SF3A2: variants seen among roughly 807,000 people sequenced by gnomAD.
SF3A2 encodes the protein splicing factor 3a subunit 2.
SF3A2 carries 5 observed loss-of-function variants against 31.1 expected under a neutral mutation model. The observed-to-expected ratio is 0.16, with a 90% CI of 0.08 to 0.34. The LOEUF (loss-of-function observed/expected upper bound fraction) is 0.34, where lower values mean the gene tolerates loss of function less well. SF3A2 is among the 10% of genes least tolerant of loss of function. SF3A2 has a pLI of 1.00. For missense variants in SF3A2, 577 were observed against 643.9 expected, an observed-to-expected ratio of 0.90 and a Z score of 1.13; for synonymous variants, 365 against 263.7, an observed-to-expected ratio of 1.38 and a Z score of -3.72.
In SF3A2 at chr19:2,239,187, A is replaced by T. The variant is rs571059041; in HGVS notation, c.-38+2286A>T. Among the ~76,000 whole-genome samples the T allele has an allele frequency of 2.0e-4, 31 of 152,278 alleles. No individual in the cohort carries two copies. In the South Asian group the frequency reaches 6.4e-3, roughly 32 times the overall value. On this transcript the variant is annotated intron_variant, in intron 1 of 8. Transcript: ENST00000221494. ...TGAGACCAGCCTCGCCAACCTGGCG[A>T]AATCCCATCTCCACTAAAAATATAA...
intron 1 of SF3A2, among the ~76,000 whole-genome samples, chr19:2,239,509 A>G (rs2024870745): frequency 6.6e-6 from 1 of 152,146 alleles, no homozygotes; most frequent in African/African-American, 2.4e-5. Context: ...GAAGCTTAAC[A>G]TCTTCCTTGG....
chr19:2,241,933 C>CCCTCAGCATGCCCCTGCA (rs1461256770), intron 1 of SF3A2, among the ~76,000 whole-genome samples: 1 of 152,154 alleles, frequency 6.6e-6, no homozygotes, highest in Non-Finnish European at 1.5e-5. Context: ...GCTGGGAGGT[C>CCCTCAGCATGCCCCTGCA]CACCTCACCA....
At position 2,247,708 on chromosome 19, in the gene SF3A2, C is replaced by T. The variant is rs779429244; in HGVS notation, c.615+46C>T. 50 of 1,610,888 alleles carry T rather than the reference C, an allele frequency of 3.1e-5. No individual in the cohort carries two copies. In the African/African-American group the frequency reaches 4.4e-4, roughly 14 times the overall value. On this transcript the variant is annotated intron_variant, in intron 8 of 8. Transcript: ENST00000221494. Reference sequence around the variant, plus strand: ...CTGGCTCCTTCCCACCCAGCCCTGGCGGCCCTAGCCCTGCCCTAGCCCCAC... The same window carrying T: ...CTGGCTCCTTCCCACCCAGCCCTGGTGGCCCTAGCCCTGCCCTAGCCCCAC...
rs994352376 is a variant in SF3A2 at position 2,245,387 on chromosome 19, C to T, written c.246-59C>T. The T allele has an allele frequency of 2.3e-6, 3 of 1,312,656 alleles. No homozygotes were observed. The highest frequency in any genetic ancestry group is 5.1e-5 in the East Asian group (2 of 39,564). 81.3% of individuals were successfully genotyped at this position (1,312,656 alleles called of 1,614,324 possible). A position where few individuals can be genotyped will look rare whatever the true frequency, so the allele number is the denominator to read the frequency against. ...GTCAGGGGGCTCCTGGCACCTGGGCCCATGGCTTTGGTGCCTGTGTGTGGA... is the reference window on the plus strand; with the variant it reads ...GTCAGGGGGCTCCTGGCACCTGGGCTCATGGCTTTGGTGCCTGTGTGTGGA... On this transcript the variant is annotated intron_variant, in intron 4 of 8. Coordinates refer to ENST00000221494, the MANE Select transcript of SF3A2 (RefSeq NM_007165.5). The surrounding 1 kb of genome is among the most constrained non-coding windows in gnomAD (Gnocchi z 4.2).
chr19:2,248,374 A>G lies in SF3A2; in HGVS notation c.1223A>G (p.His408Arg). 1 of 1,347,006 alleles carries G rather than the reference A, an allele frequency of 7.4e-7. No individual in the cohort carries two copies. 83.4% of individuals were successfully genotyped at this position (1,347,006 alleles called of 1,614,324 possible). ...PGMHPQAPGVHPQPPGVHPSA... is the reference protein window; with the variant it reads ...PGMHPQAPGVRPQPPGVHPSA... ...ATGCACCCTCAGGCCCCGGGGGTCC[A>G]CCCCCAACCTCCCGGGGTCCATCCG... The change falls in exon 9 of 9, where the codon CAC becomes CGC. Residue 408 changes from histidine (H) to arginine (R), a missense_variant. This residue lies in a region of SF3A2 where 462 missense variants were observed against 339.1 expected (regional missense o/e 1.36). Transcript: ENST00000221494.
intron 1 of SF3A2, among the ~76,000 whole-genome samples, chr19:2,238,069 G>C (rs1599649839): frequency 6.6e-6 from 1 of 152,116 alleles, no homozygotes; most frequent in South Asian, 2.1e-4. Context: ...ACCCAGGCTG[G>C]AGTGAGTGCA....
intron 1 of SF3A2, among the ~76,000 whole-genome samples, chr19:2,238,728 C>A (rs1173006697): frequency 6.6e-6 from 1 of 152,242 alleles, no homozygotes; most frequent in Non-Finnish European, 1.5e-5. Context: ...ACCTCTCACA[C>A]ACCTATCAGT....
In SF3A2 at chr19:2,247,972, C is replaced by A. The variant is rs779680327; in HGVS notation, c.821C>A (p.Pro274His). 3.7e-6 allele frequency: 4 copies of A among 1,088,158 alleles called. No individual in the cohort carries two copies. In the South Asian group the frequency reaches 5.2e-5, roughly 14 times the overall value. The allele number at this position is 1,088,158 out of a possible 1,614,324, so 67.4% of individuals were successfully genotyped here. ...CCCACAGGGCCTGCGCCCTCAGGGC[C>A]CCCGGGACCACCCCAGCTACCCCCG... is the stretch of plus-strand genomic sequence containing the variant. The part of the protein sequence containing the change: ...MPPTGPAPSG[P>H]PGPPQLPPPA... The change falls in exon 9 of 9, where the codon CCC becomes CAC. Residue 274 changes from proline (P) to histidine (H), a missense_variant. Pro to His is a moderately conservative substitution (Grantham distance 77, BLOSUM62 -2). This residue lies in a region of SF3A2 where 462 missense variants were observed against 339.1 expected (regional missense o/e 1.36). Transcript: ENST00000221494.
chr19:2,240,180 C>A (rs2024876339), intron 1 of SF3A2, among the ~76,000 whole-genome samples: 3 of 152,162 alleles, frequency 2.0e-5, no homozygotes, highest in Admixed American at 1.3e-4. Context: ...CTCCTGGCCT[C>A]CCCCGGGGTG....
Position 2,248,271 on chromosome 19 carries a change from C to A in SF3A2, c.1120C>A (p.Pro374Thr), listed in dbSNP as rs1292082989. 7.1e-7 allele frequency: 1 copy of A among 1,414,842 alleles called. No homozygotes were observed. Among genetic ancestry groups the A allele is most frequent in the Non-Finnish European group, 9.2e-7 (1 of 1,085,754 alleles). The allele number at this position is 1,414,842 out of a possible 1,614,324, so 87.6% of individuals were successfully genotyped here. Residue 374 changes from proline to threonine, a missense_variant, in exon 9 of 9, where the codon CCC (proline) becomes ACC (threonine). Around this residue, in one of 6 missense-constraint regions of SF3A2, gnomAD observed 462 missense variants for 339.1 expected, o/e 1.36. Transcript: ENST00000221494. ...VHPPPSAGVH[P>T]QAPGVHPAAP... is the part of the protein sequence containing the mutation. The stretch of plus-strand genomic sequence containing the variant: ...TCCTCCCCCATCAGCGGGGGTTCAC[C>A]CCCAGGCCCCGGGGGTGCACCCAGC...
chr19:2,240,872 C>G (rs2024882953), intron 1 of SF3A2, among the ~76,000 whole-genome samples: 1 of 152,260 alleles, frequency 6.6e-6, no homozygotes, highest in Non-Finnish European at 1.5e-5. Context: ...AGAAGCTGTG[C>G]TGCCTCTTCC....
chr19:2,247,556 CAG>C (rs2024950218), intron 7 of SF3A2, 36 bp from the exon 8 acceptor site: 1 of 1,608,250 alleles, frequency 6.2e-7, no homozygotes, highest in African/African-American at 1.3e-5. Flanking sequence ...CCTGAGGTCA[CAG>C]GGACCAGGAG....
At chr19:2,237,038 C>T (rs1169137706) in intron 1 of SF3A2, 137 bp downstream of exon 1, 1 of 151,984 alleles carries the variant, frequency 6.6e-6, no homozygotes, top group East Asian at 1.9e-4. Context: ...CCTCCCTCCT[C>T]CCGTGAGCGT....
In SF3A2 at chr19:2,246,525, C is replaced by T. The variant is rs532645562; in HGVS notation, c.356-228C>T. Among the ~76,000 whole-genome samples the T allele has an allele frequency of 1.3e-5, 2 of 152,248 alleles. No homozygotes were observed. Among genetic ancestry groups the T allele is most frequent in the South Asian group, 4.1e-4 (2 of 4,822 alleles). On this transcript the variant is annotated intron_variant, in intron 5 of 8. Transcript: ENST00000221494. The surrounding 1 kb of genome is among the most constrained non-coding windows in gnomAD (Gnocchi z 5.5). The stretch of plus-strand genomic sequence containing the variant: ...GGGGATTGGGACAAAGGAGCACCAT[C>T]CTCGGTCCCTGCCTGAGTGACTCCG...
At chr19:2,240,023 C>G (rs1438202924) in intron 1 of SF3A2, among the ~76,000 whole-genome samples, 2 of 152,190 alleles carry the variant, frequency 1.3e-5, no homozygotes, top group Admixed American at 1.3e-4. Context: ...ACAAAGCGGC[C>G]GGCAGCTCTG....
At chr19:2,238,113 T>G (rs922112436) in intron 1 of SF3A2, among the ~76,000 whole-genome samples, 4 of 152,156 alleles carry the variant, frequency 2.6e-5, no homozygotes, top group African/African-American at 9.7e-5. Flanking sequence ...AGCCTCAAAC[T>G]CCCATGCTCA....
chr19:2,243,239 C>A, intron 1 of SF3A2, 143 bp from the exon 2 acceptor site: 1 of 571,190 alleles, frequency 1.8e-6, no homozygotes, highest in East Asian at 3.4e-5. Flanking sequence ...TGGGGTGGCC[C>A]CCTCAGGGCT....
chr19:2,239,924 C>T (rs956035713), intron 1 of SF3A2, among the ~76,000 whole-genome samples: 63 of 152,204 alleles, frequency 4.1e-4, no homozygotes, highest in Non-Finnish European at 7.5e-4. Flanking sequence ...GCAGTGGCTT[C>T]CCCCGATAAT....
intron 1 of SF3A2, chr19:2,237,380 C>G (rs60895695): frequency 7.0e-6 from 1 of 142,894 alleles, no homozygotes; most frequent in African/African-American, 2.6e-5. Context: ...GCACTCCAGC[C>G]TGGGCAACAT....
Sources: gnomAD v4.1 joint callset for allele counts (sites outside exome capture counted in the v4.1 genomes callset) on GRCh38, gnomAD v4.1.1 for gene constraint, gnomAD v4.1.1 regional missense constraint, Gnocchi (gnomAD v3.1) non-coding constraint, MANE v1.5 for transcripts, NCBI Gene and HGNC (gene_info 2026-07-23, HGNC 2026-07-21) for gene names.